The following DMXL1 variants were observed in gnomAD, a reference collection of about 807,000 sequenced individuals.
The protein encoded by DMXL1 is Dmx like 1, also known as dmX-like protein 1.
A neutral mutation model predicts 319.2 loss-of-function variants in DMXL1; 99 were observed. That is an observed-to-expected ratio of 0.31 (90% confidence interval 0.26 to 0.37). The LOEUF (loss-of-function observed/expected upper bound fraction) is 0.37. Ranked by LOEUF, DMXL1 falls within the 10% of genes least tolerant of loss-of-function variation. The pLI is 1.00. For missense variants in DMXL1, 3,745 were observed against 3,595.6 expected (o/e 1.04, Z -1.06); for synonymous variants, 1,385 against 1,235.2 (o/e 1.12, Z -2.54).
intron 36 of DMXL1, 91 bp from the exon 37 acceptor site, chr5:119,220,849 A>C: frequency 6.9e-7 from 1 of 1,444,906 alleles, no homozygotes; most frequent in Non-Finnish European, 9.4e-7. Flanking sequence ...TTAATTTTAA[A>C]GGGAACTATA....
At position 119,148,840 on chromosome 5, in the gene DMXL1, A is replaced by G. The variant is rs759869557; in HGVS notation, c.3013A>G (p.Thr1005Ala). ...EKVRFWRCRV[T>A]DGESATSKNG... ...AGTAAGATTCTGGAGATGCAGAGTA[A>G]CAGATGGAGAATCTGCCACGTCAAA... Residue 1005 changes from threonine (T) to alanine (A), a missense_variant, in exon 18 of 44, where the codon ACA becomes GCA. By Grantham distance (58) the Thr-to-Ala change is moderately conservative. This residue lies in a region of DMXL1 where 2,096 missense variants were observed against 1,985.4 expected (regional missense o/e 1.06). Coordinates refer to ENST00000539542, the MANE Select transcript of DMXL1 (RefSeq NM_001290321.3). 1 of 1,613,650 alleles carries G rather than the reference A, an allele frequency of 6.2e-7. No homozygotes were observed. Among genetic ancestry groups the G allele is most frequent in the Non-Finnish European group, 8.5e-7 (1 of 1,179,770 alleles).
intron 38 of DMXL1, among the ~76,000 whole-genome samples, chr5:119,232,712 G>A (rs1398341579): frequency 1.3e-5 from 2 of 151,772 alleles, no homozygotes; most frequent in Non-Finnish European, 2.9e-5. Context: ...AGTGGCACGT[G>A]CCTATAAATC....
At chr5:119,236,828 T>C (rs539221122) in intron 39 of DMXL1, 1 of 152,164 alleles carries the variant, frequency 6.6e-6, no homozygotes, top group Non-Finnish European at 1.5e-5. Flanking sequence ...TAGTGGATTA[T>C]TTTGACATCT....
chr5:119,124,795 ACCT>A (rs1288930979), intron 9 of DMXL1, among the ~76,000 whole-genome samples: 1 of 151,656 alleles, frequency 6.6e-6, no homozygotes, highest in Non-Finnish European at 1.5e-5. Context: ...CGAGCTCCTG[ACCT>A]CCTCGTGATC....
intron 42 of DMXL1, among the ~76,000 whole-genome samples, chr5:119,242,780 G>A (rs541467976): frequency 1.3e-5 from 2 of 152,092 alleles, no homozygotes; most frequent in African/African-American, 4.8e-5. Flanking sequence ...AACAGAATGG[G>A]GAGCCCACTA....
At chr5:119,182,374 A>G (rs1441355714) in intron 28 of DMXL1, among the ~76,000 whole-genome samples, 1 of 152,210 alleles carries the variant, frequency 6.6e-6, no homozygotes, top group East Asian at 1.9e-4. Flanking sequence ...AATACATTGT[A>G]TATTGAAGAT....
chr5:119,210,459 G>A (rs1299708032), intron 34 of DMXL1, among the ~76,000 whole-genome samples: 4 of 152,148 alleles, frequency 2.6e-5, no homozygotes, highest in African/African-American at 9.7e-5. Flanking sequence ...ATGGTGTGAA[G>A]TATAGACCTC....
At chr5:119,246,635 T>C (rs571495328) in intron 43 of DMXL1, among the ~76,000 whole-genome samples, 2 of 139,722 alleles carry the variant, frequency 1.4e-5, no homozygotes, top group African/African-American at 5.8e-5. Context: ...TTTTCCTTTT[T>C]TTTTTTTTTT....
At chr5:119,204,950 C>T (rs188769019) in intron 33 of DMXL1, among the ~76,000 whole-genome samples, 1 of 152,244 alleles carries the variant, frequency 6.6e-6, no homozygotes, top group African/African-American at 2.4e-5. Context: ...CTCATTGTCT[C>T]TCAATTTAAG....
chr5:119,163,271 A>T (rs2150216667), intron 19 of DMXL1, among the ~76,000 whole-genome samples: 1 of 152,330 alleles, frequency 6.6e-6, no homozygotes, highest in Admixed American at 6.5e-5. Context: ...GCATTAAGAG[A>T]CAACGTAACT....
At chr5:119,077,507 A>G (rs1245134265) in intron 1 of DMXL1, among the ~76,000 whole-genome samples, 3 of 94,450 alleles carry the variant, frequency 3.2e-5, no homozygotes, top group Admixed American at 2.5e-4. Flanking sequence ...TTTTTTTTTA[A>G]GACAGGGTCT....
chr5:119,223,950 A>AT (rs1405402104), intron 37 of DMXL1, among the ~76,000 whole-genome samples: 1 of 152,134 alleles, frequency 6.6e-6, no homozygotes, highest in Non-Finnish European at 1.5e-5. Context: ...TTATCAAATG[A>AT]TAAAAACTAA....
intron 13 of DMXL1, 33 bp downstream of exon 13, chr5:119,134,422 A>G (rs764283138): frequency 1.2e-5 from 19 of 1,539,598 alleles, no homozygotes; most frequent in African/African-American, 2.8e-5. Flanking sequence ...GCTTAAGTAT[A>G]TAATATTATG....
chr5:119,074,346 A>G (rs976525041), intron 1 of DMXL1, among the ~76,000 whole-genome samples: 1 of 152,232 alleles, frequency 6.6e-6, no homozygotes, highest in Non-Finnish European at 1.5e-5. Flanking sequence ...GTGGAGCATG[A>G]CATCTTCCTC....
chr5:119,109,054 G>T (rs989523971), intron 4 of DMXL1, among the ~76,000 whole-genome samples: 3 of 152,008 alleles, frequency 2.0e-5, no homozygotes, highest in African/African-American at 7.3e-5. Context: ...ACCCGCCTTG[G>T]CCTCCCAAAG....
chr5:119,103,998 GC>G (rs775727182), intron 3 of DMXL1: 1 of 152,158 alleles, frequency 6.6e-6, no homozygotes, highest in Non-Finnish European at 1.5e-5. Context: ...ATGAAGAAGG[GC>G]AAAAGTGGAT....
Position 119,118,968 on chromosome 5 carries a change from T to C in DMXL1, c.897T>C (p.Asn299=), listed in dbSNP as rs1385486343. The part of the protein sequence containing the change: ...SINLTNNFKR[N]ASSKERVQNA... ...ATTTAACAAATAACTTCAAGAGAAA[T>C]GCTTCCAGTAAAGAACGAGTTCAAA... The change falls in exon 8 of 44, where the codon AAT becomes AAC. Residue 299 remains asparagine, a synonymous_variant. Transcript: ENST00000539542. 6.2e-7 allele frequency: 1 copy of C among 1,613,142 alleles called. No homozygotes were observed. Among genetic ancestry groups the C allele is most frequent in the Admixed American group, 1.7e-5 (1 of 59,802 alleles).
At chr5:119,091,021 A>G (rs1227470914) in intron 1 of DMXL1, among the ~76,000 whole-genome samples, 4 of 151,892 alleles carry the variant, frequency 2.6e-5, no homozygotes, top group South Asian at 2.1e-4. Context: ...AAATATTTCA[A>G]TCTGTTTATT....
intron 3 of DMXL1, among the ~76,000 whole-genome samples, chr5:119,104,743 A>G (rs907836666): frequency 5.3e-5 from 8 of 152,240 alleles, no homozygotes; most frequent in East Asian, 3.8e-4. Flanking sequence ...TTGTAAGGCC[A>G]TAAATTATAT....
Sources: gnomAD v4.1 joint callset for allele counts (sites outside exome capture counted in the v4.1 genomes callset) on GRCh38, gnomAD v4.1.1 for gene constraint, gnomAD v4.1.1 regional missense constraint, MANE v1.5 for transcripts, NCBI Gene and HGNC (gene_info 2026-07-23, HGNC 2026-07-21) for gene names.